The following GALNT18 variants were observed in gnomAD, a reference collection of about 807,000 sequenced individuals.
GALNT18 encodes the protein GalNAc-transferase 18.
Under a neutral mutation model 69.5 loss-of-function variants are expected in GALNT18, and 44 were observed. The observed-to-expected ratio is 0.63, with a 90% CI of 0.50 to 0.81. GALNT18 has a LOEUF of 0.81. Ranked by LOEUF, GALNT18 falls within the 40% of genes least tolerant of loss-of-function variation. GALNT18 has a pLI of 0.00. For synonymous variants in GALNT18, 364 were observed against 318.2 expected, an observed-to-expected ratio of 1.14 and a Z score of -1.53; for missense variants, 715 against 810.0, an observed-to-expected ratio of 0.88 and a Z score of 1.42.
At position 11,595,534 on chromosome 11, in the gene GALNT18, T is replaced by A. The variant is rs1859477827; in HGVS notation, c.235+25825A>T. Among the ~76,000 whole-genome samples, 1 of 152,210 alleles carries A rather than the reference T, an allele frequency of 6.6e-6. No homozygotes were observed. The highest frequency in any genetic ancestry group is 6.5e-5 in the Admixed American group (1 of 15,278). ...AAGACACATTCTCTTCAATAGTGTA[T>A]GAGGATTCCAACTTCTCCACATCCT... On this transcript the variant is annotated intron_variant, in intron 1 of 10. Transcript: ENST00000227756. The surrounding 1 kb of genome is among the most constrained non-coding windows in gnomAD (Gnocchi z 5.2).
chr11:11,475,491 C>T (rs1476317726), intron 1 of GALNT18: 2 of 152,188 alleles, frequency 1.3e-5, no homozygotes, highest in Non-Finnish European at 2.9e-5. Flanking sequence ...AATTGTGGCT[C>T]TTGAGACCCC....
intron 3 of GALNT18, among the ~76,000 whole-genome samples, chr11:11,398,308 T>A (rs1431166828): frequency 2.0e-5 from 3 of 152,230 alleles, no homozygotes; most frequent in African/African-American, 7.2e-5. Context: ...CTTGGCTAGC[T>A]CTGCCTGAGC....
chr11:11,293,334 A>C (rs1849338786), intron 9 of GALNT18, 141 bp from the exon 10 acceptor site: 3 of 518,352 alleles, frequency 5.8e-6, no homozygotes, highest in Non-Finnish European at 9.0e-6. Context: ...AGTGGCCTTC[A>C]GATTATTTTC....
chr11:11,295,812 G>T (rs1007768328), intron 9 of GALNT18, among the ~76,000 whole-genome samples: 2 of 152,194 alleles, frequency 1.3e-5, no homozygotes, highest in Non-Finnish European at 2.9e-5. Context: ...GATTCACTGT[G>T]ACCAAAGTTC....
chr11:11,373,392 G>A (rs1020523688), intron 5 of GALNT18, among the ~76,000 whole-genome samples: 4 of 152,248 alleles, frequency 2.6e-5, no homozygotes, highest in African/African-American at 9.6e-5. Flanking sequence ...ACAAGGGTGA[G>A]AAAGGGAGAG....
chr11:11,323,818 G>A (rs1849874769), intron 9 of GALNT18, among the ~76,000 whole-genome samples: 1 of 152,114 alleles, frequency 6.6e-6, no homozygotes, highest in Non-Finnish European at 1.5e-5. Context: ...CCTGGCTTCT[G>A]TTGAAATGAC....
intron 6 of GALNT18, among the ~76,000 whole-genome samples, chr11:11,368,898 T>C (rs941160723): frequency 1.3e-5 from 2 of 152,228 alleles, no homozygotes; most frequent in African/African-American, 4.8e-5. Context: ...TTTTGTGATG[T>C]TTTTAAAACT....
In GALNT18 at chr11:11,320,631, G is replaced by C. The variant is rs1304958824; in HGVS notation, c.1512+6455C>G. ...CCCTTTTCTTACTCTTCCATGAGCA[G>C]TGAACTTCTTGCGGGCTGGAAGATG... On this transcript the variant is annotated intron_variant, in intron 9 of 10. Transcript: ENST00000227756. This position sits in a 1 kb window ranked among gnomAD's most constrained non-coding sequence, Gnocchi z 4.9. 6.6e-6 allele frequency among the ~76,000 whole-genome samples: 1 copy of C among 152,186 alleles called. No homozygotes were observed. The highest frequency in any genetic ancestry group is 1.5e-5 in the Non-Finnish European group (1 of 68,036).
intron 1 of GALNT18, among the ~76,000 whole-genome samples, chr11:11,509,686 A>C (rs79239626): frequency 7.3e-4 from 111 of 152,322 alleles, no homozygotes; most frequent in Non-Finnish European, 1.4e-3. Context: ...ATCTCATCAG[A>C]AATAAATAGA....
chr11:11,275,262 T>C (rs561307180), intron 10 of GALNT18, among the ~76,000 whole-genome samples: 6 of 152,360 alleles, frequency 3.9e-5, no homozygotes, highest in East Asian at 1.9e-4. Flanking sequence ...TGGTATCTCA[T>C]TGCGGTTTTG....
Position 11,413,352 on chromosome 11 carries a change from G to A in GALNT18, c.595+19269C>T, listed in dbSNP as rs1023984517. ...GGCCAAACATCCCTCTGGAGGTGCA[G>A]ATGCCCCATTAGGACTCAGAGGCAC... On this transcript the variant is annotated intron_variant, in intron 3 of 10. Coordinates refer to ENST00000227756, the MANE Select transcript of GALNT18 (RefSeq NM_198516.3). The surrounding 1 kb of genome is among the most constrained non-coding windows in gnomAD (Gnocchi z 4.7). 2.0e-5 allele frequency among the ~76,000 whole-genome samples: 3 copies of A among 152,282 alleles called. 1 individual carries two copies. Among genetic ancestry groups the A allele is most frequent in the Non-Finnish European group, 1.5e-5 (1 of 68,020 alleles).
At chr11:11,532,723 C>A (rs1857683990) in intron 1 of GALNT18, among the ~76,000 whole-genome samples, 1 of 152,234 alleles carries the variant, frequency 6.6e-6, no homozygotes, top group Non-Finnish European at 1.5e-5. Flanking sequence ...TCAAGGCTGA[C>A]CCTTGGTCAA....
rs780577091 is a variant in GALNT18, at chr11:11,603,115, C to T, written c.235+18244G>A. 1.6e-4 allele frequency among the ~76,000 whole-genome samples: 25 copies of T among 152,150 alleles called. No homozygotes were observed. The highest frequency in any genetic ancestry group is 3.1e-4 in the Non-Finnish European group (21 of 68,032). On this transcript the variant is annotated intron_variant, in intron 1 of 10. Coordinates refer to ENST00000227756, the MANE Select transcript of GALNT18 (RefSeq NM_198516.3). The surrounding 1 kb of genome is among the most constrained non-coding windows in gnomAD (Gnocchi z 4.5). ...GGAGGCAATTCTAAGTTATGTCTTCCCATCAACTACTTCAATTTGTGTTTG... is the reference window on the plus strand; with the variant it reads ...GGAGGCAATTCTAAGTTATGTCTTCTCATCAACTACTTCAATTTGTGTTTG...
chr11:11,504,608 A>G (rs986591606), intron 1 of GALNT18, among the ~76,000 whole-genome samples: 31 of 152,154 alleles, frequency 2.0e-4, no homozygotes, highest in African/African-American at 7.5e-4. Context: ...AATACAAAAA[A>G]TTAGCCAGGC....
At chr11:11,518,807 C>T (rs777664707) in intron 1 of GALNT18, among the ~76,000 whole-genome samples, 1 of 152,128 alleles carries the variant, frequency 6.6e-6, no homozygotes, top group African/African-American at 2.4e-5. Context: ...AGCACTGGAC[C>T]CACCAGCTTC....
chr11:11,334,313 C>G (rs977130353), intron 7 of GALNT18, among the ~76,000 whole-genome samples: 4 of 152,084 alleles, frequency 2.6e-5, no homozygotes, highest in Non-Finnish European at 5.9e-5. Flanking sequence ...GAGGCCAAGT[C>G]AGGCGGATCA....
At position 11,614,166 on chromosome 11, in the gene GALNT18, C is replaced by T. The variant is rs185816549; in HGVS notation, c.235+7193G>A. 1.3e-5 allele frequency among the ~76,000 whole-genome samples: 2 copies of T among 152,276 alleles called. No individual in the cohort carries two copies. The highest frequency in any genetic ancestry group is 1.3e-4 in the Admixed American group (2 of 15,308). On this transcript the variant is annotated intron_variant, in intron 1 of 10. Coordinates refer to ENST00000227756, the MANE Select transcript of GALNT18 (RefSeq NM_198516.3). The surrounding 1 kb of genome is among the most constrained non-coding windows in gnomAD (Gnocchi z 5.6). Reference sequence around the variant, plus strand: ...CATTGCTATAAAGGAGTACCTGAGGCTTGGTAATTTATAAAATTATAAATT... The same window carrying T: ...CATTGCTATAAAGGAGTACCTGAGGTTTGGTAATTTATAAAATTATAAATT...
At position 11,292,235 on chromosome 11, in the gene GALNT18, C is replaced by G. The variant is rs1220043731; in HGVS notation, c.1677+794G>C. 2.0e-5 allele frequency among the ~76,000 whole-genome samples: 3 copies of G among 152,182 alleles called. No individual in the cohort carries two copies. In the East Asian group the frequency reaches 5.8e-4, roughly 29 times the overall value. On this transcript the variant is annotated intron_variant, in intron 10 of 10. Coordinates refer to ENST00000227756, the MANE Select transcript of GALNT18 (RefSeq NM_198516.3). ...CGCTTTACCTGCTCCACCTGGGAGG[C>G]AGGCATCCCTATCTGTGGCTGAAAA...
At chr11:11,473,371 C>A (rs1856315900) in intron 1 of GALNT18, among the ~76,000 whole-genome samples, 1 of 152,204 alleles carries the variant, frequency 6.6e-6, no homozygotes, top group South Asian at 2.1e-4. Flanking sequence ...CAAACCCAGT[C>A]TCATTCAAAC....
Sources: gnomAD v4.1 joint callset for allele counts (sites outside exome capture counted in the v4.1 genomes callset) on GRCh38, gnomAD v4.1.1 for gene constraint, Gnocchi (gnomAD v3.1) non-coding constraint, MANE v1.5 for transcripts, NCBI Gene and HGNC (gene_info 2026-07-23, HGNC 2026-07-21) for gene names.